AFG1L: variants seen among roughly 807,000 people sequenced by gnomAD.
AFG1L encodes AFG1 like ATPase.
Under a neutral mutation model 62.2 loss-of-function variants are expected in AFG1L, and 53 were observed. The observed-to-expected ratio is 0.85, with a 90% CI of 0.68 to 1.07. AFG1L has a LOEUF of 1.07. AFG1L is among the 50% of genes least tolerant of loss of function. The pLI, the probability that AFG1L is intolerant of heterozygous loss-of-function variation, is 0.00. For missense variants in AFG1L, 555 were observed against 590.5 expected, an observed-to-expected ratio of 0.94 and a Z score of 0.62; for synonymous variants, 228 against 210.3, an observed-to-expected ratio of 1.08 and a Z score of -0.73.
intron 11 of AFG1L, among the ~76,000 whole-genome samples, chr6:108,511,418 T>A (rs1249382918): frequency 6.6e-6 from 1 of 152,090 alleles, no homozygotes; most frequent in Non-Finnish European, 1.5e-5. Context: ...GGCCCTGGGG[T>A]CAGGCTGTCT....
chr6:108,303,601 C>T (rs1174650560), intron 1 of AFG1L, among the ~76,000 whole-genome samples: 1 of 152,142 alleles, frequency 6.6e-6, no homozygotes, highest in African/African-American at 2.4e-5. Context: ...TTCTTCTCTT[C>T]ATTGCTCCCA....
intron 7 of AFG1L, among the ~76,000 whole-genome samples, chr6:108,427,153 A>G (rs1374698205): frequency 2.0e-5 from 3 of 151,916 alleles, no homozygotes; most frequent in Middle Eastern, 3.4e-3. Context: ...CCCAGGCTAG[A>G]GTGCAGTGGT....
intron 11 of AFG1L, among the ~76,000 whole-genome samples, chr6:108,516,179 A>C (rs1166573355): frequency 1.3e-5 from 2 of 151,274 alleles, no homozygotes; most frequent in African/African-American, 4.9e-5. Context: ...GATACCAAAG[A>C]CTGGCAGAGA....
Position 108,525,111 on chromosome 6 carries a change from A to T in AFG1L, c.*2686A>T, listed in dbSNP as rs1029926044. ...GTGGAAAGCTCCTGCTCAATTCAAA[A>T]CACAGACCGGGGGGATGTCTTTAGA... is the stretch of plus-strand genomic sequence containing the variant. On this transcript the variant is annotated 3_prime_UTR_variant, in exon 13 of 13. Transcript: ENST00000368977. 8 of 152,210 alleles carry T rather than the reference A, an allele frequency of 5.3e-5. No homozygotes were observed. Among genetic ancestry groups the T allele is most frequent in the Admixed American group, 5.2e-4 (8 of 15,282 alleles). 9.4% of individuals were successfully genotyped at this position (152,210 alleles called of 1,614,324 possible).
At chr6:108,313,048 G>A (rs1777471552) in intron 1 of AFG1L, among the ~76,000 whole-genome samples, 1 of 152,200 alleles carries the variant, frequency 6.6e-6, no homozygotes, top group African/African-American at 2.4e-5. Flanking sequence ...AAGAGTATCG[G>A]GGAAGACTTT....
At chr6:108,396,968 A>T (rs934321595) in intron 6 of AFG1L, among the ~76,000 whole-genome samples, 6 of 152,174 alleles carry the variant, frequency 3.9e-5, no homozygotes, top group African/African-American at 1.4e-4. Context: ...TTAAATTATT[A>T]TTGAACTATA....
chr6:108,419,010 G>C (rs1770464167), intron 7 of AFG1L, among the ~76,000 whole-genome samples: 1 of 151,974 alleles, frequency 6.6e-6, no homozygotes. Context: ...TTTTCCATTT[G>C]GGTAAAAATC....
At chr6:108,416,665 A>G (rs989689995) in intron 7 of AFG1L, among the ~76,000 whole-genome samples, 5 of 152,182 alleles carry the variant, frequency 3.3e-5, no homozygotes, top group Non-Finnish European at 7.4e-5. Flanking sequence ...TGAGCAAATT[A>G]TCATAAGGAC....
intron 3 of AFG1L, among the ~76,000 whole-genome samples, chr6:108,350,646 CATACCCT>C (rs1779044959): frequency 6.6e-6 from 1 of 152,228 alleles, no homozygotes; most frequent in African/African-American, 2.4e-5. Context: ...TGACTTCATT[CATACCCT>C]ACAGCTGGCT....
intron 6 of AFG1L, among the ~76,000 whole-genome samples, chr6:108,389,914 A>G (rs1483476482): frequency 2.0e-5 from 3 of 152,042 alleles, no homozygotes; most frequent in African/African-American, 7.3e-5. Context: ...CCTGAATTTG[A>G]ATGTTGACCT....
intron 7 of AFG1L, among the ~76,000 whole-genome samples, chr6:108,443,446 G>A (rs909772885): frequency 1.3e-5 from 2 of 152,182 alleles, no homozygotes; most frequent in South Asian, 2.1e-4. Context: ...CAAGGAGTGG[G>A]ACATAGACTT....
intron 7 of AFG1L, among the ~76,000 whole-genome samples, chr6:108,410,140 T>C (rs1782033342): frequency 6.6e-6 from 1 of 151,972 alleles, no homozygotes; most frequent in Non-Finnish European, 1.5e-5. Flanking sequence ...ACCCCATCTC[T>C]ACTAAAAATA....
At chr6:108,416,162 C>G (rs528374533) in intron 7 of AFG1L, among the ~76,000 whole-genome samples, 1 of 152,316 alleles carries the variant, frequency 6.6e-6, no homozygotes, top group East Asian at 1.9e-4. Flanking sequence ...CCAACAGACA[C>G]ATGAAAAAAT....
chr6:108,429,820 G>C (rs966151185), intron 7 of AFG1L, among the ~76,000 whole-genome samples: 1 of 151,830 alleles, frequency 6.6e-6, no homozygotes, highest in African/African-American at 2.4e-5. Context: ...AAATTGCTTT[G>C]CTGCCCAAAG....
intron 3 of AFG1L, among the ~76,000 whole-genome samples, chr6:108,348,908 C>CT (rs148199584): frequency 0.012 from 1,751 of 151,784 alleles, 31 homozygotes; most frequent in African/African-American, 0.038. Flanking sequence ...TGTAAAAGCA[C>CT]TTTTTTTTTA....
chr6:108,386,062 A>G (rs972852479), intron 6 of AFG1L, among the ~76,000 whole-genome samples: 2 of 152,198 alleles, frequency 1.3e-5, no homozygotes, highest in African/African-American at 4.8e-5. Flanking sequence ...GCAGTGAGCT[A>G]TAATTGTGCC....
intron 11 of AFG1L, among the ~76,000 whole-genome samples, chr6:108,514,190 C>G (rs914345400): frequency 6.6e-6 from 1 of 152,184 alleles, no homozygotes; most frequent in Middle Eastern, 3.2e-3. Flanking sequence ...ACTCAAAATT[C>G]TAAAAATCAG....
intron 10 of AFG1L, among the ~76,000 whole-genome samples, chr6:108,486,618 C>T (rs2114840432): frequency 6.6e-6 from 1 of 152,134 alleles, no homozygotes; most frequent in Admixed American, 6.5e-5. Flanking sequence ...TTAAATATTA[C>T]TTCATTCTTT....
intron 8 of AFG1L, among the ~76,000 whole-genome samples, chr6:108,465,044 T>C (rs1772611247): frequency 6.6e-6 from 1 of 152,202 alleles, no homozygotes; most frequent in African/African-American, 2.4e-5. Flanking sequence ...GAAGAGGAGA[T>C]GATTTATAGC....
Sources: allele counts gnomAD v4.1 joint callset (sites outside exome capture counted in the v4.1 genomes callset), GRCh38; gene constraint gnomAD v4.1.1; transcripts MANE v1.5; gene names NCBI Gene and HGNC (gene_info 2026-07-23, HGNC 2026-07-21).